Variants in FBLN1 observed in about 807,000 individuals in gnomAD.
The protein encoded by FBLN1 is fibulin 1, also known as fibulin-1.
Under a neutral mutation model 89.7 loss-of-function variants are expected in FBLN1, and 34 were observed. That is an observed-to-expected ratio of 0.38 (90% CI 0.29 to 0.50). FBLN1 has a LOEUF of 0.50. FBLN1 is among the 20% of genes least tolerant of loss of function. The probability of loss-of-function intolerance (pLI) is 0.92; values close to 1 mark genes in which losing one functional copy is unlikely to be tolerated. For missense variants in FBLN1, 777 were observed against 988.1 expected, an observed-to-expected ratio of 0.79 and a Z score of 2.86; for synonymous variants, 393 against 391.3, an observed-to-expected ratio of 1.00 and a Z score of -0.05.
At chr22:45,571,713 T>C (rs1353989450) in intron 14 of FBLN1, among the ~76,000 whole-genome samples, 4 of 152,194 alleles carry the variant, frequency 2.6e-5, no homozygotes, top group African/African-American at 9.7e-5. Flanking sequence ...TGGATATCAG[T>C]ATGAACTCTT....
At position 45,536,452 on chromosome 22, in the gene FBLN1, T is replaced by G. The variant is rs1446469326; in HGVS notation, c.922+1115T>G. Among the ~76,000 whole-genome samples the G allele has an allele frequency of 1.3e-5, 2 of 150,328 alleles. No individual in the cohort carries two copies. Among genetic ancestry groups the G allele is most frequent in the Non-Finnish European group, 2.9e-5 (2 of 68,008 alleles). ...TGTTACATAAAATTTGTAGTTCACA[T>G]GTAGTTCACCACAATGAGAAAAGAA... On this transcript the variant is annotated intron_variant, in intron 8 of 16. Coordinates refer to ENST00000327858, the MANE Select transcript of FBLN1 (RefSeq NM_006486.3). The surrounding 1 kb of genome is among the most constrained non-coding windows in gnomAD (Gnocchi z 5.1).
In FBLN1 at chr22:45,594,692, GGATA is replaced by G. The variant is rs1349352200; in HGVS notation, c.1973-5611_1973-5608del. 6.6e-3 allele frequency among the ~76,000 whole-genome samples: 974 copies of G among 146,528 alleles called. 7 individuals carry two copies. Among genetic ancestry groups the G allele is most frequent in the South Asian group, 8.9e-3 (41 of 4,596 alleles). ...TGGGTAGGTGAGTGGATGGATTGGT[GGATA>G]GATGGATGGATGGATGGATGGATGG... On this transcript the variant is annotated intron_variant, in intron 16 of 16. Transcript: ENST00000327858.
Position 45,583,177 on chromosome 22 carries a change from A to G in FBLN1, c.1972+6069A>G, listed in dbSNP as rs1489707436. 6.6e-6 allele frequency among the ~76,000 whole-genome samples: 1 copy of G among 152,176 alleles called. No homozygotes were observed. The highest frequency in any genetic ancestry group is 1.5e-5 in the Non-Finnish European group (1 of 68,010). On this transcript the variant is annotated intron_variant, in intron 16 of 16. Transcript: ENST00000327858. This position sits in a 1 kb window ranked among gnomAD's most constrained non-coding sequence, Gnocchi z 4.5. ...CCCACAGCCAGCAAGTTGGAGCTGC[A>G]CTGCCCAAGCAGGTCCTTTAGTCAG... is the stretch of plus-strand genomic sequence containing the variant.
rs60082908 is a variant in FBLN1, at chr22:45,573,680, C to CAAAAAAAAAA, written c.1698-819_1698-810dup. On this transcript the variant is annotated intron_variant, in intron 14 of 16. Transcript: ENST00000327858. ...TGGGTGACAGAGCGAGACTCTGTCTCAAAAAAAAAAAAAAAAAAAAACCCA... is the reference window on the plus strand; with the variant it reads ...TGGGTGACAGAGCGAGACTCTGTCTCAAAAAAAAAAAAAAAAAAAAAAAAAAAAAAACCCA... Among the ~76,000 whole-genome samples the CAAAAAAAAAA allele has an allele frequency of 3.1e-3, 182 of 58,958 alleles. 13 individuals are homozygous for CAAAAAAAAAA. Among genetic ancestry groups the CAAAAAAAAAA allele is most frequent in the African/African-American group, 0.014 (180 of 12,834 alleles). 38.7% of individuals were successfully genotyped at this position (58,958 alleles called of 152,430 possible). A position where few individuals can be genotyped will look rare whatever the true frequency, so the allele number is the denominator to read the frequency against.
intron 14 of FBLN1, among the ~76,000 whole-genome samples, chr22:45,571,577 G>T (rs527280552): frequency 2.0e-5 from 3 of 152,318 alleles, no homozygotes; most frequent in African/African-American, 7.2e-5. Flanking sequence ...CTACTGTGTA[G>T]GTAATGTGGG....
chr22:45,522,388 A>G (rs1160199145), intron 2 of FBLN1, among the ~76,000 whole-genome samples: 1 of 152,240 alleles, frequency 6.6e-6, no homozygotes, highest in Non-Finnish European at 1.5e-5. Flanking sequence ...ATGCTCAGGA[A>G]GAGGCAGGAT....
chr22:45,528,738 C>T (rs750384159), intron 4 of FBLN1, among the ~76,000 whole-genome samples: 22 of 151,830 alleles, frequency 1.4e-4, no homozygotes, highest in Admixed American at 4.6e-4. Context: ...TTGACACTTA[C>T]GATGAACCAT....
In FBLN1 at chr22:45,558,999, A is replaced by G. The variant is rs114131177; in HGVS notation, c.1697+8384A>G. Among the ~76,000 whole-genome samples the G allele has an allele frequency of 4.0e-3, 608 of 152,350 alleles. 4 individuals carry two copies. Among genetic ancestry groups the G allele is most frequent in the African/African-American group, 0.014 (588 of 41,582 alleles). ...ATCTTGCAGAAGCGAAATGCGATCAAGGTCTCTCCGAATAAGATTATGACA... is the reference window on the plus strand; with the variant it reads ...ATCTTGCAGAAGCGAAATGCGATCAGGGTCTCTCCGAATAAGATTATGACA... On this transcript the variant is annotated intron_variant, in intron 14 of 16. Transcript: ENST00000327858.
At chr22:45,587,655 G>A (rs547909411) in intron 16 of FBLN1, among the ~76,000 whole-genome samples, 13 of 152,210 alleles carry the variant, frequency 8.5e-5, no homozygotes, top group African/African-American at 1.7e-4. Flanking sequence ...CTGGCCTTCC[G>A]GCTCTGCAGA....
In FBLN1 at chr22:45,580,938, C is replaced by T. The variant is rs778963610; in HGVS notation, c.1972+3830C>T. Among the ~76,000 whole-genome samples the T allele has an allele frequency of 3.2e-4, 49 of 152,354 alleles. No homozygotes were observed. Among genetic ancestry groups the T allele is most frequent in the Admixed American group, 1.1e-3 (17 of 15,310 alleles). Reference sequence around the variant, plus strand: ...CGTCTTTGTAAAGCCCCCTTGCATTCCTCTTTAACCGGCTGTCAAAGAAAA... The same window carrying T: ...CGTCTTTGTAAAGCCCCCTTGCATTTCTCTTTAACCGGCTGTCAAAGAAAA... On this transcript the variant is annotated intron_variant, in intron 16 of 16. Transcript: ENST00000327858. This position sits in a 1 kb window ranked among gnomAD's most constrained non-coding sequence, Gnocchi z 8.6.
At chr22:45,599,406 A>T (rs2089212283) in intron 16 of FBLN1, among the ~76,000 whole-genome samples, 1 of 152,200 alleles carries the variant, frequency 6.6e-6, no homozygotes, top group Admixed American at 6.5e-5. Context: ...AGGCATGCAC[A>T]GCAAGGGGTC....
In FBLN1 at chr22:45,572,752, C is replaced by G. The variant is rs950423372; in HGVS notation, c.1698-1759C>G. Among the ~76,000 whole-genome samples, 13 of 152,242 alleles carry G rather than the reference C, an allele frequency of 8.5e-5. No homozygotes were observed. The highest frequency in any genetic ancestry group is 2.9e-4 in the African/African-American group (12 of 41,462). On this transcript the variant is annotated intron_variant, in intron 14 of 16. Transcript: ENST00000327858. This position sits in a 1 kb window ranked among gnomAD's most constrained non-coding sequence, Gnocchi z 5.8. ...CTGAAGACACACTACCACCTACCAT[C>G]TTGCCAAAGGGACCGGGCCTGCATG...
In FBLN1 at chr22:45,548,619, A is replaced by T; in HGVS notation, c.1448A>T (p.Asp483Val). The T allele has an allele frequency of 6.2e-7, 1 of 1,613,498 alleles. No individual in the cohort carries two copies. Among genetic ancestry groups the T allele is most frequent in the Non-Finnish European group, 8.5e-7 (1 of 1,179,958 alleles). The change falls in exon 13 of 17, where the codon GAC (aspartate) becomes GTC (valine). Residue 483 changes from aspartate (D) to valine (V), a missense_variant. Physicochemically the swap from Asp to Val is radical, Grantham distance 152. Coordinates refer to ENST00000327858, the MANE Select transcript of FBLN1 (RefSeq NM_006486.3). ...DVDGVTCEDI[D>V]ECALPTGGHI... ...GTGGGCTTTGCCGTTGCAGACATCG[A>T]CGAGTGCGCCCTGCCCACCGGGGGC...
chr22:45,564,769 T>G, intron 14 of FBLN1: 2 of 1,261,744 alleles, frequency 1.6e-6, no homozygotes, highest in Non-Finnish European at 2.3e-6. Context: ...GCAAGACATC[T>G]CGCGTGCAGA....
At position 45,561,953 on chromosome 22, in the gene FBLN1, C is replaced by T. The variant is rs953421957; in HGVS notation, c.1697+11338C>T. Among the ~76,000 whole-genome samples, 5 of 152,142 alleles carry T rather than the reference C, an allele frequency of 3.3e-5. No individual in the cohort carries two copies. The highest frequency in any genetic ancestry group is 3.9e-4 in the East Asian group (2 of 5,194). ...TTTTTCTGCCTGCTTATAGTCTAGC[C>T]GTGCTGGCAGCTGATTAGATTGTGC... is the stretch of plus-strand genomic sequence containing the variant. On this transcript the variant is annotated intron_variant, in intron 14 of 16. Transcript: ENST00000327858. The surrounding 1 kb of genome is among the most constrained non-coding windows in gnomAD (Gnocchi z 4.7).
At position 45,531,925 on chromosome 22, in the gene FBLN1, C is replaced by A. The variant is rs111869377; in HGVS notation, c.544+601C>A. On this transcript the variant is annotated intron_variant, in intron 5 of 16. Coordinates refer to ENST00000327858, the MANE Select transcript of FBLN1 (RefSeq NM_006486.3). This position sits in a 1 kb window ranked among gnomAD's most constrained non-coding sequence, Gnocchi z 4.9. The stretch of plus-strand genomic sequence containing the variant: ...TCCCTGCCTTTGTGCCCCTGGAGCC[C>A]CAGCCACGGTTCTGTCACCATTGGT... Among the ~76,000 whole-genome samples, 17 of 152,240 alleles carry A rather than the reference C, an allele frequency of 1.1e-4. No individual in the cohort carries two copies. The highest frequency in any genetic ancestry group is 4.1e-4 in the African/African-American group (17 of 41,460).
intron 14 of FBLN1, chr22:45,565,339 C>T: frequency 8.4e-7 from 1 of 1,185,388 alleles, no homozygotes; most frequent in Non-Finnish European, 1.1e-6. Context: ...GCTGCACCTG[C>T]CCCACCCCAG....
At chr22:45,511,364 G>T (rs1406144674) in intron 1 of FBLN1, among the ~76,000 whole-genome samples, 1 of 151,678 alleles carries the variant, frequency 6.6e-6, no homozygotes, top group Admixed American at 6.6e-5. Context: ...ATGTTGGTCA[G>T]GCTGGTCTCA....
intron 2 of FBLN1, among the ~76,000 whole-genome samples, chr22:45,522,490 G>C (rs1288513096): frequency 6.6e-6 from 1 of 152,228 alleles, no homozygotes; most frequent in Non-Finnish European, 1.5e-5. Context: ...CCCAAAGGAG[G>C]GGGTATCAGC....
Sources: allele counts gnomAD v4.1 joint callset (sites outside exome capture counted in the v4.1 genomes callset), GRCh38; gene constraint gnomAD v4.1.1; non-coding constraint Gnocchi (gnomAD v3.1); transcripts MANE v1.5; gene names NCBI Gene and HGNC (gene_info 2026-07-23, HGNC 2026-07-21).